Variants in NELL1 observed in about 807,000 individuals in gnomAD.
NELL1 encodes neural EGFL like 1, also known as protein kinase C-binding protein NELL1.
In NELL1, 76 loss-of-function variants were observed where a neutral mutation model predicts 107.4. That is an observed-to-expected ratio of 0.71 (90% CI 0.59 to 0.86). The LOEUF (loss-of-function observed/expected upper bound fraction) is 0.86. Ranked by LOEUF, NELL1 falls within the 40% of genes least tolerant of loss-of-function variation. The pLI is 0.00. For missense variants in NELL1, 1,024 were observed against 1,005.5 expected (o/e 1.02, Z -0.25); for synonymous variants, 353 against 341.2 (o/e 1.03, Z -0.38).
At chr11:20,979,443 T>C (rs910589736) in intron 12 of NELL1, among the ~76,000 whole-genome samples, 3 of 152,170 alleles carry the variant, frequency 2.0e-5, no homozygotes, top group African/African-American at 7.2e-5. Context: ...CATGTTATCT[T>C]CCATGTAAAT....
chr11:20,781,051 A>C (rs1367349389), intron 2 of NELL1, among the ~76,000 whole-genome samples: 8 of 152,224 alleles, frequency 5.3e-5, no homozygotes, highest in Admixed American at 3.9e-4. Context: ...AGTGTGAAGA[A>C]TGGTGAAAAG....
At chr11:20,724,137 C>T (rs1173315832) in intron 2 of NELL1, among the ~76,000 whole-genome samples, 1 of 152,230 alleles carries the variant, frequency 6.6e-6, no homozygotes, top group Admixed American at 6.5e-5. Flanking sequence ...CCCTCCTAGG[C>T]CTTGGGCCTG....
At position 21,284,246 on chromosome 11, in the gene NELL1, G is replaced by C. The variant is rs554707140; in HGVS notation, c.1549+54792G>C. On this transcript the variant is annotated intron_variant, in intron 14 of 19. Coordinates refer to ENST00000357134, the MANE Select transcript of NELL1 (RefSeq NM_006157.5). ...CATTCATTTAAAAAATTTGCCAAAC[G>C]TGGAGACCTGGCACAAAGATGTAGA... The C allele has an allele frequency of 1.5e-4, 67 of 456,826 alleles. 1 individual carries two copies. Among genetic ancestry groups the C allele is most frequent in the South Asian group, 1.0e-3 (65 of 64,570 alleles). The allele number at this position is 456,826 out of a possible 1,614,324, so 28.3% of individuals were successfully genotyped here. A position where few individuals can be genotyped will look rare whatever the true frequency, so the allele number is the denominator to read the frequency against.
chr11:21,103,839 T>C (rs984720451), intron 12 of NELL1, among the ~76,000 whole-genome samples: 39 of 152,284 alleles, frequency 2.6e-4, no homozygotes, highest in African/African-American at 9.1e-4. Context: ...CCTTCCCCAG[T>C]CTCTTTCAAC....
At chr11:20,742,764 T>A (rs914734534) in intron 2 of NELL1, among the ~76,000 whole-genome samples, 1 of 152,122 alleles carries the variant, frequency 6.6e-6, no homozygotes, top group Admixed American at 6.5e-5. Flanking sequence ...GTGGGAATTA[T>A]GGGAGCTACA....
chr11:21,149,992 T>C (rs1856078199), intron 13 of NELL1, among the ~76,000 whole-genome samples: 1 of 152,110 alleles, frequency 6.6e-6, no homozygotes, highest in African/African-American at 2.4e-5. Flanking sequence ...TTGAAGGCGG[T>C]GGCTTTTGAG....
intron 12 of NELL1, among the ~76,000 whole-genome samples, chr11:21,102,132 C>A (rs974649121): frequency 2.0e-5 from 3 of 152,218 alleles, no homozygotes; most frequent in African/African-American, 7.2e-5. Flanking sequence ...GAATGACTGG[C>A]ATGAGCCACC....
At chr11:20,710,043 C>A (rs894816720) in intron 2 of NELL1, among the ~76,000 whole-genome samples, 1 of 152,162 alleles carries the variant, frequency 6.6e-6, no homozygotes, top group Non-Finnish European at 1.5e-5. Context: ...CCGTTTATTT[C>A]TTTCTCTTGT....
chr11:20,744,327 ATAT>A (rs1385329752), intron 2 of NELL1, among the ~76,000 whole-genome samples: 1 of 152,174 alleles, frequency 6.6e-6, no homozygotes. Context: ...TATCTCATCC[ATAT>A]TATTATACTA....
intron 2 of NELL1, among the ~76,000 whole-genome samples, chr11:20,701,912 C>T (rs868201583): frequency 5.9e-5 from 9 of 152,096 alleles, no homozygotes; most frequent in Admixed American, 3.9e-4. Context: ...GTTACTGTAG[C>T]CTTGTAGTAT....
intron 14 of NELL1, among the ~76,000 whole-genome samples, chr11:21,357,699 C>G (rs1850969299): frequency 6.6e-6 from 1 of 152,094 alleles, no homozygotes; most frequent in South Asian, 2.1e-4. Flanking sequence ...CTTTTGCGCT[C>G]TTGGTAATTA....
At chr11:20,835,461 G>C (rs1217234851) in intron 3 of NELL1, among the ~76,000 whole-genome samples, 1 of 152,140 alleles carries the variant, frequency 6.6e-6, no homozygotes, top group Non-Finnish European at 1.5e-5. Context: ...TTGTGTTGTA[G>C]ATAAGTGAGT....
intron 14 of NELL1, among the ~76,000 whole-genome samples, chr11:21,304,290 T>TGTA (rs1172714795): frequency 1.3e-5 from 2 of 152,072 alleles, no homozygotes; most frequent in African/African-American, 4.8e-5. Flanking sequence ...CTTTTATCTC[T>TGTA]GTAGATGCCT....
intron 13 of NELL1, among the ~76,000 whole-genome samples, chr11:21,159,525 A>C (rs1856315585): frequency 6.6e-6 from 1 of 152,206 alleles, no homozygotes; most frequent in African/African-American, 2.4e-5. Flanking sequence ...CTGTCACCAA[A>C]GTTGCAAATA....
At chr11:21,139,010 A>G (rs1168794271) in intron 13 of NELL1, among the ~76,000 whole-genome samples, 1 of 152,212 alleles carries the variant, frequency 6.6e-6, no homozygotes, top group African/African-American at 2.4e-5. Context: ...TTTTGTAAGA[A>G]TAATACAAGT....
intron 5 of NELL1, among the ~76,000 whole-genome samples, chr11:20,915,717 A>ATATATATATATATATATATATTTT: frequency 3.1e-4 from 18 of 58,214 alleles, no homozygotes; most frequent in African/African-American, 6.2e-4. Context: ...ATATATATAT[A>ATATATATATATATATATATATTTT]TTTTTTTTTT....
At chr11:21,296,127 C>G (rs1448012349) in intron 14 of NELL1, among the ~76,000 whole-genome samples, 1 of 151,826 alleles carries the variant, frequency 6.6e-6, no homozygotes, top group Non-Finnish European at 1.5e-5. Context: ...CCTTTCTATC[C>G]CTCATAAAAA....
chr11:21,309,284 A>ATATATATATATGTATATATATATATATG (rs1565160417), intron 14 of NELL1, among the ~76,000 whole-genome samples: 16 of 62,778 alleles, frequency 2.5e-4, no homozygotes, highest in African/African-American at 1.6e-3. Context: ...ATATATGTAT[A>ATATATATATATGTATATATATATATATG]TATATATATA....
At chr11:20,971,921 AG>A (rs1365896224) in intron 12 of NELL1, among the ~76,000 whole-genome samples, 1 of 152,012 alleles carries the variant, frequency 6.6e-6, no homozygotes, top group Non-Finnish European at 1.5e-5. Flanking sequence ...AAACTAACAC[AG>A]GAACAGAAAA....
Sources: gnomAD v4.1 joint callset for allele counts (sites outside exome capture counted in the v4.1 genomes callset) on GRCh38, gnomAD v4.1.1 for gene constraint, MANE v1.5 for transcripts, NCBI Gene and HGNC (gene_info 2026-07-23, HGNC 2026-07-21) for gene names.